SSPN: variants seen among roughly 807,000 people sequenced by gnomAD.
The protein encoded by SSPN is sarcospan, also known as K-ras oncogene-associated protein.
Under a neutral mutation model 19.1 loss-of-function variants are expected in SSPN, and 15 were observed. The observed-to-expected ratio is 0.78, with a 90% CI of 0.52 to 1.21. The LOEUF is 1.21. Among genes scored for constraint, SSPN ranks in the 50% most tolerant of loss-of-function variants. The pLI is 0.00. For missense variants in SSPN, 291 were observed against 314.0 expected (o/e 0.93, Z 0.55); for synonymous variants, 147 against 140.3 (o/e 1.05, Z -0.34).
rs10597345 is a variant in SSPN, at chr12:26,137,656, A to AT, written c.-31+15530dup. Among the ~76,000 whole-genome samples the AT allele has an allele frequency of 1.7e-3, 131 of 76,444 alleles. 9 individuals are homozygous for AT. The highest frequency in any genetic ancestry group is 6.9e-3 in the African/African-American group (105 of 15,274). The allele number at this position is 76,444 out of a possible 152,430, so 50.2% of individuals were successfully genotyped here. On this transcript the variant is annotated intron_variant, in intron 1 of 2. Coordinates refer to the SSPN transcript ENST00000538142. ...TGTATGTATATATATATATATATAT[A>AT]TTTTTTTTTTTTTTTTTTTTTTTTT...
intron 1 of SSPN, among the ~76,000 whole-genome samples, chr12:26,157,996 C>G (rs891436739): frequency 2.0e-5 from 3 of 151,782 alleles, no homozygotes; most frequent in African/African-American, 7.3e-5. Flanking sequence ...GAAGCAATTA[C>G]TTTTGTCTTT....
intron 1 of SSPN, among the ~76,000 whole-genome samples, chr12:26,131,743 G>GT (rs1565668099): frequency 6.6e-6 from 1 of 152,172 alleles, no homozygotes; most frequent in Non-Finnish European, 1.5e-5. Flanking sequence ...CTATGGACAG[G>GT]TATTAAGGCA....
chr12:26,153,746 C>A (rs1944539426), intron 1 of SSPN, among the ~76,000 whole-genome samples: 1 of 152,188 alleles, frequency 6.6e-6, no homozygotes, highest in Non-Finnish European at 1.5e-5. Context: ...TCCACGAATT[C>A]TGGGTTCTGG....
intron 1 of SSPN, among the ~76,000 whole-genome samples, chr12:26,178,832 G>A (rs2137439575): frequency 6.6e-6 from 1 of 152,270 alleles, no homozygotes; most frequent in East Asian, 1.9e-4. Flanking sequence ...GGAGTTTAAA[G>A]ATATATTCTC....
chr12:26,123,942 C>G, intron 1 of SSPN: 2 of 790,696 alleles, frequency 2.5e-6, no homozygotes, highest in Non-Finnish European at 4.2e-6. Context: ...TTGCGGGAAA[C>G]TCTGTACGGT....
At chr12:26,142,391 G>C (rs1944466148) in intron 1 of SSPN, among the ~76,000 whole-genome samples, 1 of 152,210 alleles carries the variant, frequency 6.6e-6, no homozygotes, top group African/African-American at 2.4e-5. Context: ...ATCTGGGAAA[G>C]TATTTTAGAG....
At chr12:26,155,994 G>C (rs1481198908) in intron 1 of SSPN, among the ~76,000 whole-genome samples, 2 of 152,224 alleles carry the variant, frequency 1.3e-5, no homozygotes, top group Non-Finnish European at 2.9e-5. Context: ...AGATGATGAA[G>C]AAGATTGGGA....
At chr12:26,149,017 A>G (rs1023310460) in intron 1 of SSPN, among the ~76,000 whole-genome samples, 2 of 152,144 alleles carry the variant, frequency 1.3e-5, no homozygotes, top group African/African-American at 4.8e-5. Context: ...AACTTGAAAA[A>G]CTTCAAGCCA....
chr12:26,195,496 C>A (rs113819537), upstream of SSPN: 2 of 1,137,806 alleles, frequency 1.8e-6, no homozygotes, highest in South Asian at 4.0e-5. Context: ...CGAATCCCCC[C>A]TCTGCTGCGG....
At chr12:26,196,166 T>C (rs1944828488) in intron 1 of SSPN, among the ~76,000 whole-genome samples, 1 of 152,194 alleles carries the variant, frequency 6.6e-6, no homozygotes, top group South Asian at 2.1e-4. Context: ...TGCTCGCGGC[T>C]CCCAGCGCCT....
intron 1 of SSPN, among the ~76,000 whole-genome samples, chr12:26,212,925 G>A (rs571155182): frequency 6.6e-6 from 1 of 151,784 alleles, no homozygotes; most frequent in African/African-American, 2.4e-5. Flanking sequence ...TTAGTGTTTA[G>A]AGACAGATTG....
At chr12:26,198,536 T>C (rs1029417320) in intron 1 of SSPN, among the ~76,000 whole-genome samples, 6 of 152,222 alleles carry the variant, frequency 3.9e-5, no homozygotes, top group Non-Finnish European at 7.3e-5. Flanking sequence ...GAGTTAGCTT[T>C]ACTTATTAGC....
intron 1 of SSPN, among the ~76,000 whole-genome samples, chr12:26,172,912 G>C (rs1231644436): frequency 2.0e-5 from 3 of 151,812 alleles, no homozygotes; most frequent in African/African-American, 7.3e-5. Context: ...AATCTCCTAT[G>C]TTGATTAGCT....
At chr12:26,126,682 C>T (rs913189169) in intron 1 of SSPN, 4 of 152,270 alleles carry the variant, frequency 2.6e-5, no homozygotes, top group African/African-American at 9.6e-5. Flanking sequence ...TCTCCGGAGT[C>T]CTGGGCGGAG....
intron 1 of SSPN, among the ~76,000 whole-genome samples, chr12:26,169,593 AT>A (rs558232172): frequency 4.9e-4 from 59 of 120,684 alleles, no homozygotes; most frequent in Non-Finnish European, 7.3e-4. Flanking sequence ...ATATATATAT[AT>A]TTTTTTTTCT....
At chr12:26,142,674 T>C in intron 1 of SSPN, among the ~76,000 whole-genome samples, 1 of 152,174 alleles carries the variant, frequency 6.6e-6, no homozygotes, top group East Asian at 1.9e-4. Flanking sequence ...GAATGGAATA[T>C]GTGATATGAG....
upstream of SSPN, among the ~76,000 whole-genome samples, chr12:26,194,142 T>C (rs1318109493): frequency 6.6e-6 from 1 of 152,212 alleles, no homozygotes; most frequent in Non-Finnish European, 1.5e-5. Flanking sequence ...ACCCCCAAAG[T>C]GATGGGATCA....
intron 1 of SSPN, among the ~76,000 whole-genome samples, chr12:26,156,303 G>A (rs1383481324): frequency 6.6e-5 from 10 of 152,178 alleles, no homozygotes; most frequent in Admixed American, 2.0e-4. Context: ...TGTCTGCAGC[G>A]TTAGAAAGCC....
chr12:26,199,998 C>G (rs1285984526), intron 1 of SSPN, among the ~76,000 whole-genome samples: 2 of 152,230 alleles, frequency 1.3e-5, no homozygotes, highest in African/African-American at 4.8e-5. Flanking sequence ...GCTTTGGCAT[C>G]TCTACTCTGA....
Sources: allele counts gnomAD v4.1 joint callset (sites outside exome capture counted in the v4.1 genomes callset), GRCh38; gene constraint gnomAD v4.1.1; transcripts MANE v1.5; gene names NCBI Gene and HGNC (gene_info 2026-07-23, HGNC 2026-07-21).